CD99L2: variants seen among roughly 807,000 people sequenced by gnomAD.
The protein encoded by CD99L2 is CD99 molecule like 2.
In CD99L2, 24 loss-of-function variants were observed where a neutral mutation model predicts 27.3. The ratio of observed to expected loss-of-function variants is 0.88; its 90% confidence interval spans 0.64 to 1.24. CD99L2 has a LOEUF of 1.24. Ranked by LOEUF, CD99L2 falls within the 50% of genes most tolerant of loss-of-function variation. CD99L2 has a pLI of 0.00. For synonymous variants in CD99L2, 97 were observed against 87.9 expected, an observed-to-expected ratio of 1.10 and a Z score of -0.58; for missense variants, 255 against 221.6, an observed-to-expected ratio of 1.15 and a Z score of -0.96.
intron 1 of CD99L2, among the ~76,000 whole-genome samples, chrX:150,848,543 T>C (rs2046738080): frequency 1.4e-5 from 1 of 73,512 alleles, no homozygotes; most frequent in Admixed American, 1.8e-4. Context: ...ATGTGGGTTC[T>C]TTTTCCACAA....
At chrX:150,851,355 A>T (rs1557421594) in intron 1 of CD99L2, among the ~76,000 whole-genome samples, 1 of 111,934 alleles carries the variant, frequency 8.9e-6, no homozygotes, top group Admixed American at 9.4e-5. Context: ...TGTCAGACAC[A>T]TGGCATCAAC....
At chrX:150,770,681 G>C (rs2043431787) in intron 9 of CD99L2, among the ~76,000 whole-genome samples, 1 of 113,122 alleles carries the variant, frequency 8.8e-6, no homozygotes, top group African/African-American at 3.2e-5. Flanking sequence ...CCAGTGGAGG[G>C]GGCGCCCGAT....
chrX:150,890,531 A>G (rs2047494862), intron 1 of CD99L2, among the ~76,000 whole-genome samples: 1 of 112,190 alleles, frequency 8.9e-6, no homozygotes, highest in East Asian at 2.8e-4. Flanking sequence ...CAAAAAACAA[A>G]CCAACAAACA....
At chrX:150,811,335 T>C (rs1216718818) in intron 4 of CD99L2, among the ~76,000 whole-genome samples, 1 of 111,177 alleles carries the variant, frequency 9.0e-6, no homozygotes, top group African/African-American at 3.3e-5. Flanking sequence ...TCTGAAGGTG[T>C]AGAGCATCAA....
In CD99L2 at chrX:150,836,386, G is replaced by A. The variant is rs1034755383; in HGVS notation, c.68-5093C>T. On this transcript the variant is annotated intron_variant, in intron 1 of 10. Transcript: ENST00000370377. ...GAGATGGAGTTTCGCTCTTGTTGCC[G>A]AGGCTGGAGTGCAATAGCGCAATCT... 5.4e-5 allele frequency among the ~76,000 whole-genome samples: 6 copies of A among 110,184 alleles called. No individual in the cohort carries two copies. The Admixed American group carries it at 5.8e-4, about 11-fold the overall frequency.
At position 150,768,070 on chromosome X, in the gene CD99L2, C is replaced by T. The variant is rs1348005040; in HGVS notation, c.*964G>A. The T allele has an allele frequency of 8.9e-6, 1 of 111,859 alleles. No homozygotes were observed. Among genetic ancestry groups the T allele is most frequent in the Admixed American group, 9.4e-5 (1 of 10,616 alleles). 9.2% of individuals were successfully genotyped at this position (111,859 alleles called of 1,213,427 possible). A position where few individuals can be genotyped will look rare whatever the true frequency, so the allele number is the denominator to read the frequency against. On this transcript the variant is annotated 3_prime_UTR_variant, in exon 11 of 11. Coordinates refer to ENST00000370377, the MANE Select transcript of CD99L2 (RefSeq NM_031462.4). ...GCGTTTCACTAAACCAAGCGAATGT[C>T]TCTTTCCCCTCTCCTCCCCCGCCGC...
At chrX:150,827,202 C>T (rs2046379690) in intron 2 of CD99L2, among the ~76,000 whole-genome samples, 1 of 111,111 alleles carries the variant, frequency 9.0e-6, no homozygotes, top group Non-Finnish European at 1.9e-5. Context: ...CAGAGGAATG[C>T]ACAACGTGCA....
intron 1 of CD99L2, among the ~76,000 whole-genome samples, chrX:150,854,016 C>T (rs2046832739): frequency 9.0e-6 from 1 of 111,308 alleles, no homozygotes; most frequent in South Asian, 3.8e-4. Flanking sequence ...AGATGTACCT[C>T]CTTTGGGAGC....
intron 9 of CD99L2, among the ~76,000 whole-genome samples, chrX:150,775,515 C>A (rs1444699638): frequency 8.9e-6 from 1 of 112,649 alleles, no homozygotes; most frequent in Non-Finnish European, 1.9e-5. Context: ...AGACTCACAG[C>A]TACAGCATGA....
At chrX:150,791,444 T>C (rs2045686073) in intron 7 of CD99L2, among the ~76,000 whole-genome samples, 1 of 110,992 alleles carries the variant, frequency 9.0e-6, no homozygotes, top group South Asian at 3.9e-4. Flanking sequence ...GACTCATGAA[T>C]GAGACCAGTC....
chrX:150,790,097 C>G (rs1369799838), intron 7 of CD99L2, among the ~76,000 whole-genome samples: 1 of 110,507 alleles, frequency 9.0e-6, no homozygotes, highest in African/African-American at 3.3e-5. Context: ...GTCTGAAAAG[C>G]CTATATACTG....
chrX:150,875,943 G>A (rs1336593478), intron 1 of CD99L2, among the ~76,000 whole-genome samples: 1 of 112,144 alleles, frequency 8.9e-6, no homozygotes, highest in Non-Finnish European at 1.9e-5. Context: ...CCAGTCTCAG[G>A]TATGTCTTTA....
intron 1 of CD99L2, among the ~76,000 whole-genome samples, chrX:150,841,694 G>A (rs1462645918): frequency 2.7e-5 from 3 of 111,308 alleles, no homozygotes; most frequent in African/African-American, 9.8e-5. Context: ...AATATGTTAA[G>A]AGGAACATAA....
intron 7 of CD99L2, among the ~76,000 whole-genome samples, chrX:150,779,673 C>T (rs943372161): frequency 8.9e-6 from 1 of 112,297 alleles, no homozygotes; most frequent in Non-Finnish European, 1.9e-5. Flanking sequence ...GAGTCATGGG[C>T]ATAAAATAAA....
intron 7 of CD99L2, among the ~76,000 whole-genome samples, chrX:150,789,007 G>A (rs1251637045): frequency 1.1e-4 from 12 of 111,652 alleles, no homozygotes; most frequent in African/African-American, 3.6e-4. Flanking sequence ...GAGAAATGAC[G>A]TTGAATATCT....
intron 9 of CD99L2, among the ~76,000 whole-genome samples, chrX:150,775,794 G>A (rs2043541490): frequency 8.9e-6 from 1 of 111,933 alleles, no homozygotes; most frequent in South Asian, 3.7e-4. Flanking sequence ...GGTGACGCAG[G>A]GCCTCCAAAG....
chrX:150,885,934 G>A (rs1274433246), intron 1 of CD99L2, among the ~76,000 whole-genome samples: 1 of 112,178 alleles, frequency 8.9e-6, no homozygotes, highest in African/African-American at 3.2e-5. Context: ...GAACATAAAA[G>A]AGATGAGACG....
intron 7 of CD99L2, 126 bp downstream of exon 7, chrX:150,793,565 C>G (rs1377290466): frequency 1.9e-6 from 1 of 531,009 alleles, no homozygotes; most frequent in Non-Finnish European, 3.0e-6. Context: ...CAAATGAACC[C>G]CAACTGGCAG....
intron 9 of CD99L2, chrX:150,771,855 G>A: frequency 8.7e-7 from 1 of 1,152,358 alleles, no homozygotes; most frequent in Non-Finnish European, 1.1e-6. Flanking sequence ...AGAATCCCTG[G>A]AGTAAGAGCG....
Sources: allele counts gnomAD v4.1 joint callset (sites outside exome capture counted in the v4.1 genomes callset), GRCh38; gene constraint gnomAD v4.1.1; transcripts MANE v1.5; gene names NCBI Gene and HGNC (gene_info 2026-07-23, HGNC 2026-07-21).